Variants in SCAPER observed in about 807,000 individuals in gnomAD.
SCAPER encodes the protein S-phase cyclin A associated protein in the ER.
Under a neutral mutation model 182.2 loss-of-function variants are expected in SCAPER, and 98 were observed. The ratio of observed to expected loss-of-function variants is 0.54; its 90% CI spans 0.46 to 0.64. The LOEUF is 0.64. Ranked by LOEUF, SCAPER falls within the 30% of genes least tolerant of loss-of-function variation. SCAPER has a pLI of 0.00. For synonymous variants in SCAPER, 605 were observed against 564.6 expected (o/e 1.07, Z -1.01); for missense variants, 1,432 against 1,690.0 (o/e 0.85, Z 2.68).
intron 15 of SCAPER, among the ~76,000 whole-genome samples, chr15:76,744,288 A>G (rs2061686204): frequency 6.6e-6 from 1 of 152,094 alleles, no homozygotes; most frequent in Non-Finnish European, 1.5e-5. Flanking sequence ...GTTGACAAGT[A>G]GGGCCTAATT....
chr15:76,566,211 T>C (rs551833279), intron 23 of SCAPER, among the ~76,000 whole-genome samples: 2 of 152,312 alleles, frequency 1.3e-5, no homozygotes, highest in African/African-American at 4.8e-5. Flanking sequence ...GAAGAGTTTC[T>C]ACCTTTCTAC....
chr15:76,548,741 G>A (rs949653787), intron 23 of SCAPER, among the ~76,000 whole-genome samples: 4 of 152,142 alleles, frequency 2.6e-5, no homozygotes, highest in African/African-American at 9.7e-5. Flanking sequence ...TGGCTAGCCA[G>A]ATGTAGAAAG....
chr15:76,461,627 A>C (rs1445073271), intron 25 of SCAPER, among the ~76,000 whole-genome samples: 3 of 151,958 alleles, frequency 2.0e-5, no homozygotes, highest in Non-Finnish European at 4.4e-5. Context: ...CATATCCTTC[A>C]TTATCAGCAC....
rs58154549 is a variant in SCAPER at position 76,510,864 on chromosome 15, C to CGT, written c.2839-5892_2839-5891dup. 1.6e-3 allele frequency among the ~76,000 whole-genome samples: 243 copies of CGT among 150,606 alleles called. 1 individual carries two copies. The highest frequency in any genetic ancestry group is 3.4e-3 in the Middle Eastern group (1 of 290). Reference sequence around the variant, plus strand: ...AAGTGGATAAAGAAACTGGTGCGCGCGTGTGTGTGTGTGTGTGTGTGTGTG... The same window carrying CGT: ...AAGTGGATAAAGAAACTGGTGCGCGCGTGTGTGTGTGTGTGTGTGTGTGTGTG... On this transcript the variant is annotated intron_variant, in intron 23 of 31. Transcript: ENST00000563290.
chr15:76,613,029 A>G (rs1034943982), intron 22 of SCAPER, among the ~76,000 whole-genome samples: 1 of 152,230 alleles, frequency 6.6e-6, no homozygotes, highest in Non-Finnish European at 1.5e-5. Flanking sequence ...ACTATACTAC[A>G]GGGCTACAGT....
At chr15:76,769,094 G>A (rs1015759878) in intron 10 of SCAPER, among the ~76,000 whole-genome samples, 1 of 152,034 alleles carries the variant, frequency 6.6e-6, no homozygotes, top group Non-Finnish European at 1.5e-5. Context: ...CTACCCATCT[G>A]ACAAAGGGTT....
intron 23 of SCAPER, among the ~76,000 whole-genome samples, chr15:76,507,257 A>G (rs2041664869): frequency 6.6e-6 from 1 of 152,208 alleles, no homozygotes; most frequent in African/African-American, 2.4e-5. Flanking sequence ...TCAAGAAGCT[A>G]CATGAGGACA....
intron 22 of SCAPER, among the ~76,000 whole-genome samples, chr15:76,596,608 T>C (rs2049518029): frequency 8.3e-6 from 1 of 121,112 alleles, no homozygotes; most frequent in African/African-American, 2.5e-5. Flanking sequence ...TTAAAAAGCT[T>C]ATCTACCATG....
chr15:76,840,824 C>T (rs971524212), intron 5 of SCAPER, among the ~76,000 whole-genome samples: 6 of 152,094 alleles, frequency 3.9e-5, no homozygotes, highest in African/African-American at 1.4e-4. Context: ...TAGATAGAGA[C>T]ACTCTACACC....
chr15:76,704,290 G>A (rs551438617), intron 18 of SCAPER, among the ~76,000 whole-genome samples: 6 of 152,220 alleles, frequency 3.9e-5, no homozygotes, highest in Non-Finnish European at 7.4e-5. Flanking sequence ...CACTCTGATG[G>A]TAGTTTCTTT....
chr15:76,813,249 A>AAAAAAAAAAAAAAAAAAAAAC (rs2066805442), intron 5 of SCAPER, among the ~76,000 whole-genome samples: 1 of 60,188 alleles, frequency 1.7e-5, no homozygotes, highest in Non-Finnish European at 4.6e-5. Context: ...AAAAAAAAAA[A>AAAAAAAAAAAAAAAAAAAAAC]AAAAAACAAC....
In SCAPER at chr15:76,627,977, C is replaced by A. The variant is rs566986178; in HGVS notation, c.2646-6148G>T. Among the ~76,000 whole-genome samples the A allele has an allele frequency of 1.1e-4, 16 of 152,228 alleles. No homozygotes were observed. In the East Asian group the frequency reaches 2.9e-3, roughly 28 times the overall value. ...TTGTTTCTTGACTTTTTAATAATTG[C>A]CATTCTGACCGGCATGAGATGGTAT... On this transcript the variant is annotated intron_variant, in intron 21 of 31. Transcript: ENST00000563290.
At chr15:76,697,944 A>G (rs1212058667) in intron 20 of SCAPER, among the ~76,000 whole-genome samples, 1 of 152,108 alleles carries the variant, frequency 6.6e-6, no homozygotes, top group Non-Finnish European at 1.5e-5. Flanking sequence ...CTGGCCACAA[A>G]TAATTTTTAT....
intron 27 of SCAPER, among the ~76,000 whole-genome samples, chr15:76,390,978 GCCACTCTCCTGTTTAA>G (rs1389489132): frequency 2.0e-5 from 3 of 152,026 alleles, no homozygotes; most frequent in Non-Finnish European, 4.4e-5. Context: ...TACTTTTTAA[GCCACTCTCCTGTTTAA>G]AATCCTCCAG....
At chr15:76,737,988 A>ACT (rs2061360191) in intron 15 of SCAPER, among the ~76,000 whole-genome samples, 1 of 152,176 alleles carries the variant, frequency 6.6e-6, no homozygotes, top group African/African-American at 2.4e-5. Flanking sequence ...GACCACTCGA[A>ACT]CTTTCACCAT....
intron 26 of SCAPER, among the ~76,000 whole-genome samples, chr15:76,414,077 A>G (rs2045485892): frequency 6.6e-6 from 1 of 152,150 alleles, no homozygotes; most frequent in Non-Finnish European, 1.5e-5. Context: ...GCTGAATTTA[A>G]TTGCTACATT....
chr15:76,588,872 T>C (rs2048891121), intron 22 of SCAPER, among the ~76,000 whole-genome samples: 1 of 152,162 alleles, frequency 6.6e-6, no homozygotes, highest in Non-Finnish European at 1.5e-5. Flanking sequence ...TTGGGTAGGC[T>C]ATGTCAGAGG....
intron 22 of SCAPER, among the ~76,000 whole-genome samples, chr15:76,617,073 G>T (rs1049546694): frequency 2.0e-5 from 3 of 151,952 alleles, no homozygotes; most frequent in African/African-American, 7.3e-5. Context: ...TATATTACAT[G>T]AGCTCTTTAT....
intron 23 of SCAPER, among the ~76,000 whole-genome samples, chr15:76,534,945 T>C (rs2044005406): frequency 6.6e-6 from 1 of 152,194 alleles, no homozygotes; most frequent in Non-Finnish European, 1.5e-5. Flanking sequence ...AGAACAAATA[T>C]ATTTTTATTT....
Sources: gnomAD v4.1 joint callset for allele counts (sites outside exome capture counted in the v4.1 genomes callset) on GRCh38, gnomAD v4.1.1 for gene constraint, MANE v1.5 for transcripts, NCBI Gene and HGNC (gene_info 2026-07-23, HGNC 2026-07-21) for gene names.